APIP: variants seen among roughly 807,000 people sequenced by gnomAD.
APIP encodes the protein APAF1 interacting protein.
In APIP, 32 loss-of-function variants were observed where a neutral mutation model predicts 32.0. The ratio of observed to expected loss-of-function variants is 1.00; its 90% CI spans 0.76 to 1.34. The LOEUF is 1.34. Ranked by LOEUF, APIP falls within the 40% of genes most tolerant of loss-of-function variation. APIP has a pLI of 0.00. For synonymous variants in APIP, 92 were observed against 94.8 expected (o/e 0.97, Z 0.17); for missense variants, 247 against 298.6 (o/e 0.83, Z 1.27).
chr11:34,916,097 G>T (rs890108854), intron 1 of APIP, 131 bp downstream of exon 1: 7 of 1,230,684 alleles, frequency 5.7e-6, no homozygotes, highest in African/African-American at 4.7e-5. Flanking sequence ...CCGGGGTAGC[G>T]AACGGCCAGG....
chr11:34,902,219 A>G (rs1853380805), intron 1 of APIP, among the ~76,000 whole-genome samples: 1 of 152,220 alleles, frequency 6.6e-6, no homozygotes, highest in Non-Finnish European at 1.5e-5. Flanking sequence ...TTCCGTCCAG[A>G]CTGCCCAGTT....
chr11:34,909,702 G>C (rs538541626), intron 1 of APIP, among the ~76,000 whole-genome samples: 4 of 152,284 alleles, frequency 2.6e-5, no homozygotes, highest in African/African-American at 7.2e-5. Flanking sequence ...ATTTGTAGGG[G>C]CAAGATGTGG....
At chr11:34,886,955 TA>T (rs1473595995) in intron 5 of APIP, among the ~76,000 whole-genome samples, 2 of 152,208 alleles carry the variant, frequency 1.3e-5, no homozygotes, top group Non-Finnish European at 2.9e-5. Flanking sequence ...GACTGTATTT[TA>T]AAGCTGTTCT....
At chr11:34,911,151 AGGG>A (rs1020711327) in intron 1 of APIP, among the ~76,000 whole-genome samples, 1 of 152,082 alleles carries the variant, frequency 6.6e-6, no homozygotes, top group Non-Finnish European at 1.5e-5. Context: ...GTAAAAGGGT[AGGG>A]GTTGGGCAGA....
intron 1 of APIP, among the ~76,000 whole-genome samples, chr11:34,911,614 T>C (rs1258429109): frequency 6.6e-6 from 1 of 152,156 alleles, no homozygotes; most frequent in African/African-American, 2.4e-5. Flanking sequence ...TCATATAAAA[T>C]CTGAGTTTCC....
At chr11:34,894,952 C>T (rs1401592857) in intron 2 of APIP, 58 bp downstream of exon 2, 54 of 1,431,098 alleles carry the variant, frequency 3.8e-5, no homozygotes, top group Non-Finnish European at 4.9e-6. Context: ...ACACATTAGA[C>T]TTGCTGTGGT....
At chr11:34,906,487 G>C (rs547219038) in intron 1 of APIP, among the ~76,000 whole-genome samples, 1 of 152,106 alleles carries the variant, frequency 6.6e-6, no homozygotes, top group Non-Finnish European at 1.5e-5. Flanking sequence ...TCTGGATTAC[G>C]GGCTTCCCTC....
chr11:34,901,045 A>G (rs1392019153), intron 1 of APIP, among the ~76,000 whole-genome samples: 1 of 152,096 alleles, frequency 6.6e-6, no homozygotes, highest in Non-Finnish European at 1.5e-5. Flanking sequence ...AAAGCAAGCT[A>G]TAGGGCCAGA....
chr11:34,896,243 T>C (rs1853268371), intron 1 of APIP, among the ~76,000 whole-genome samples: 1 of 152,194 alleles, frequency 6.6e-6, no homozygotes, highest in African/African-American at 2.4e-5. Flanking sequence ...AGCAATCCCA[T>C]TACTGGGATT....
intron 1 of APIP, among the ~76,000 whole-genome samples, chr11:34,899,633 T>C (rs1853343128): frequency 6.6e-6 from 1 of 151,802 alleles, no homozygotes; most frequent in Admixed American, 6.6e-5. Context: ...TTTAGGGAGG[T>C]ACACAGGTCG....
intron 1 of APIP, among the ~76,000 whole-genome samples, chr11:34,915,329 T>C (rs541992429): frequency 7.9e-5 from 12 of 152,190 alleles, no homozygotes; most frequent in Non-Finnish European, 1.5e-4. Context: ...TTTGCTAATT[T>C]GGGGAAGTCA....
At position 34,895,901 on chromosome 11, in the gene APIP, C is replaced by G. The variant is rs1853261937; in HGVS notation, c.58-791G>C. Among the ~76,000 whole-genome samples the G allele has an allele frequency of 3.3e-5, 5 of 151,974 alleles. No individual in the cohort carries two copies. In the South Asian group the frequency reaches 1.0e-3, roughly 32 times the overall value. On this transcript the variant is annotated intron_variant, in intron 1 of 6. Transcript: ENST00000395787. ...TAAATAAATAAATGAAGAAGAAATA[C>G]AATGAATTCCATTTTGGGCAGTATA...
At chr11:34,903,811 T>C (rs1221497668) in intron 1 of APIP, among the ~76,000 whole-genome samples, 5 of 152,194 alleles carry the variant, frequency 3.3e-5, no homozygotes, top group African/African-American at 1.2e-4. Context: ...GTATACCTTT[T>C]AGTCCTCAGG....
At chr11:34,886,508 T>C (rs954728824) in intron 5 of APIP, among the ~76,000 whole-genome samples, 6 of 152,134 alleles carry the variant, frequency 3.9e-5, no homozygotes, top group Non-Finnish European at 8.8e-5. Flanking sequence ...AAGAAATGTT[T>C]TCAATAAATT....
chr11:34,914,966 T>G (rs1322309708), intron 1 of APIP, among the ~76,000 whole-genome samples: 1 of 131,812 alleles, frequency 7.6e-6, no homozygotes, highest in Non-Finnish European at 1.5e-5. Context: ...ATCACGCCAC[T>G]GCACTCCAGC....
chr11:34,914,560 G>T (rs937864891), intron 1 of APIP, among the ~76,000 whole-genome samples: 1 of 152,174 alleles, frequency 6.6e-6, no homozygotes, highest in Admixed American at 6.5e-5. Flanking sequence ...AATCCAGTGT[G>T]AGTAGTGGAA....
chr11:34,915,302 C>T (rs139604656), intron 1 of APIP, among the ~76,000 whole-genome samples: 80 of 152,322 alleles, frequency 5.3e-4, no homozygotes, highest in African/African-American at 1.8e-3. Flanking sequence ...ATGCAGCATT[C>T]TATTTTCAGA....
intron 5 of APIP, among the ~76,000 whole-genome samples, chr11:34,885,526 A>T (rs533847274): frequency 6.6e-6 from 1 of 152,290 alleles, no homozygotes; most frequent in African/African-American, 2.4e-5. Context: ...CCCGAGCTGT[A>T]CACAGCCCTC....
chr11:34,912,630 G>C (rs1346960569), intron 1 of APIP, among the ~76,000 whole-genome samples: 2 of 152,152 alleles, frequency 1.3e-5, no homozygotes, highest in African/African-American at 4.8e-5. Context: ...AGCATGGCTA[G>C]AATACAAGCA....
Sources: allele counts gnomAD v4.1 joint callset (sites outside exome capture counted in the v4.1 genomes callset), GRCh38; gene constraint gnomAD v4.1.1; transcripts MANE v1.5; gene names NCBI Gene and HGNC (gene_info 2026-07-23, HGNC 2026-07-21).